Variants in STXBP6 observed in about 807,000 individuals in gnomAD.
STXBP6 encodes the protein syntaxin binding protein 6, also known as syntaxin-binding protein 6.
In STXBP6, 21 loss-of-function variants were observed where a neutral mutation model predicts 26.9. The ratio of observed to expected loss-of-function variants is 0.78; its 90% CI spans 0.55 to 1.12. The LOEUF (loss-of-function observed/expected upper bound fraction) is 1.12. STXBP6 is among the 50% of genes most tolerant of loss of function. The pLI is 0.00. For missense variants in STXBP6, 232 were observed against 257.9 expected, an observed-to-expected ratio of 0.90 and a Z score of 0.69; for synonymous variants, 97 against 92.6, an observed-to-expected ratio of 1.05 and a Z score of -0.27.
chr14:24,945,636 G>A (rs2072961892), intron 2 of STXBP6, among the ~76,000 whole-genome samples: 1 of 152,058 alleles, frequency 6.6e-6, no homozygotes, highest in East Asian at 1.9e-4. Flanking sequence ...GATAACCACT[G>A]CCAATATGCT....
intron 1 of STXBP6, among the ~76,000 whole-genome samples, chr14:25,004,991 T>C (rs2074856129): frequency 6.6e-6 from 1 of 152,220 alleles, no homozygotes; most frequent in Admixed American, 6.5e-5. Context: ...AACTGTTGTC[T>C]TTACTGCTCT....
intron 4 of STXBP6, among the ~76,000 whole-genome samples, chr14:24,848,060 G>A (rs1438536233): frequency 6.6e-6 from 1 of 152,094 alleles, no homozygotes; most frequent in African/African-American, 2.4e-5. Context: ...GAAAGCTCAA[G>A]AATATTCCCT....
At chr14:24,928,649 G>A (rs767896107) in intron 2 of STXBP6, among the ~76,000 whole-genome samples, 5 of 152,096 alleles carry the variant, frequency 3.3e-5, no homozygotes, top group Non-Finnish European at 5.9e-5. Context: ...ACACAGAGCC[G>A]AAATCATTTA....
At chr14:24,820,695 T>C (rs188495884) in intron 4 of STXBP6, among the ~76,000 whole-genome samples, 101 of 152,332 alleles carry the variant, frequency 6.6e-4, no homozygotes, top group African/African-American at 2.4e-3. Flanking sequence ...AACACTTGAA[T>C]AGCACTTTGC....
At chr14:24,999,236 C>A (rs796760875) in intron 1 of STXBP6, among the ~76,000 whole-genome samples, 15 of 152,124 alleles carry the variant, frequency 9.9e-5, no homozygotes, top group African/African-American at 3.4e-4. Context: ...CACCCTTAGG[C>A]GTATCTTATT....
At chr14:24,971,411 A>T in intron 2 of STXBP6, among the ~76,000 whole-genome samples, 1 of 152,234 alleles carries the variant, frequency 6.6e-6, no homozygotes, top group East Asian at 1.9e-4. Context: ...TAATTTGGAC[A>T]AAGTTTGCCA....
chr14:24,841,244 C>T (rs2139021996), intron 4 of STXBP6, among the ~76,000 whole-genome samples: 1 of 152,286 alleles, frequency 6.6e-6, no homozygotes, highest in East Asian at 1.9e-4. Context: ...TCTAGATTGA[C>T]AGTTATTTCT....
intron 1 of STXBP6, among the ~76,000 whole-genome samples, chr14:25,018,023 T>C (rs368346072): frequency 6.6e-6 from 1 of 152,314 alleles, no homozygotes; most frequent in East Asian, 1.9e-4. Context: ...ATCACAAGAC[T>C]TCTCTATAAC....
intron 2 of STXBP6, among the ~76,000 whole-genome samples, chr14:24,914,816 T>C (rs540939519): frequency 1.3e-5 from 2 of 152,346 alleles, no homozygotes; most frequent in South Asian, 2.1e-4. Flanking sequence ...GCTTGCTTGA[T>C]AGCATTTGAG....
chr14:24,956,508 T>C (rs111788589), intron 2 of STXBP6, among the ~76,000 whole-genome samples: 1,825 of 152,238 alleles, frequency 0.012, 37 homozygotes, highest in African/African-American at 0.04. Flanking sequence ...ATCCTTAAAG[T>C]GTGTTATCGA....
intron 4 of STXBP6, among the ~76,000 whole-genome samples, chr14:24,841,383 G>A (rs2068778979): frequency 6.6e-6 from 1 of 152,138 alleles, no homozygotes; most frequent in African/African-American, 2.4e-5. Flanking sequence ...TTTGTCCCAA[G>A]TGTTCTATTG....
intron 4 of STXBP6, among the ~76,000 whole-genome samples, chr14:24,851,451 C>T (rs147065748): frequency 6.7e-6 from 1 of 148,572 alleles, no homozygotes; most frequent in African/African-American, 2.5e-5. Flanking sequence ...TGTGTTCTCA[C>T]TGTTCAATTC....
Position 24,856,040 on chromosome 14 carries a change from G to A in STXBP6, c.347C>T (p.Ala116Val), listed in dbSNP as rs770916113. The stretch of plus-strand genomic sequence containing the variant: ...CTGGAAGAAGGTGCATTTTTCTGAC[G>A]CTGTGCTGGCTACCCACTGGTCAAA... The part of the protein sequence containing the change: ...NAFDQWVAST[A>V]SEKCTFFQIL... The change falls in exon 4 of 6, where the codon GCG (alanine) becomes GTG (valine). Residue 116 changes from alanine (A) to valine (V), a missense_variant. Physicochemically the swap from Ala to Val is moderately conservative, Grantham distance 64. Coordinates refer to ENST00000323944, the MANE Select transcript of STXBP6 (RefSeq NM_001394410.1). 3.7e-6 allele frequency: 6 copies of A among 1,610,996 alleles called. No individual in the cohort carries two copies. Among genetic ancestry groups the A allele is most frequent in the Admixed American group, 1.7e-5 (1 of 59,552 alleles).
At chr14:24,985,055 T>C (rs2074297207) in intron 1 of STXBP6, among the ~76,000 whole-genome samples, 1 of 152,230 alleles carries the variant, frequency 6.6e-6, no homozygotes, top group African/African-American at 2.4e-5. Flanking sequence ...GTTATCACCC[T>C]AGCCCAGCAG....
chr14:24,843,269 C>CT (rs974857800), intron 4 of STXBP6, among the ~76,000 whole-genome samples: 1 of 152,134 alleles, frequency 6.6e-6, no homozygotes, highest in South Asian at 2.1e-4. Flanking sequence ...CATTCACAGG[C>CT]TTTTTTCCTG....
intron 2 of STXBP6, among the ~76,000 whole-genome samples, chr14:24,891,048 C>G (rs2070768020): frequency 6.6e-6 from 1 of 152,178 alleles, no homozygotes; most frequent in African/African-American, 2.4e-5. Context: ...TGTTGAATCC[C>G]TTCTTCTTGT....
intron 1 of STXBP6, among the ~76,000 whole-genome samples, chr14:25,017,559 G>T (rs2075175791): frequency 1.3e-5 from 2 of 152,196 alleles, no homozygotes; most frequent in Non-Finnish European, 2.9e-5. Flanking sequence ...ACAGTATAAG[G>T]TAAGGATGCA....
chr14:25,015,682 G>A (rs1455820818), intron 1 of STXBP6, among the ~76,000 whole-genome samples: 1 of 151,842 alleles, frequency 6.6e-6, no homozygotes, highest in African/African-American at 2.4e-5. Flanking sequence ...AAAGAAAAAT[G>A]TTAGAAATTT....
At chr14:24,992,524 AAGCTTTGC>A (rs1269556625) in intron 1 of STXBP6, among the ~76,000 whole-genome samples, 1 of 152,224 alleles carries the variant, frequency 6.6e-6, no homozygotes, top group African/African-American at 2.4e-5. Flanking sequence ...TAAACATTTT[AAGCTTTGC>A]AGACCAGAGT....
Sources: gnomAD v4.1 joint callset for allele counts (sites outside exome capture counted in the v4.1 genomes callset) on GRCh38, gnomAD v4.1.1 for gene constraint, MANE v1.5 for transcripts, NCBI Gene and HGNC (gene_info 2026-07-23, HGNC 2026-07-21) for gene names.